ELP4: variants seen among roughly 807,000 people sequenced by gnomAD.
ELP4 encodes the protein elongator acetyltransferase complex subunit 4, also known as elongator complex protein 4.
In ELP4, 51 loss-of-function variants were observed where a neutral mutation model predicts 48.9. The observed-to-expected ratio is 1.04, with a 90% CI of 0.83 to 1.32. The LOEUF is 1.32. ELP4 is among the 40% of genes most tolerant of loss of function. The pLI, the probability that ELP4 is intolerant of heterozygous loss-of-function variation, is 0.00. For synonymous variants in ELP4, 210 were observed against 189.2 expected (o/e 1.11, Z -0.90); for missense variants, 519 against 514.6 (o/e 1.01, Z -0.08).
chr11:31,627,679 G>A (rs541341441), intron 6 of ELP4, among the ~76,000 whole-genome samples: 1 of 151,990 alleles, frequency 6.6e-6, no homozygotes, highest in South Asian at 2.1e-4. Context: ...CGATTTCTCT[G>A]TAGCTCTAAT....
At chr11:31,766,788 C>G (rs1172788221) in intron 9 of ELP4, among the ~76,000 whole-genome samples, 1 of 151,942 alleles carries the variant, frequency 6.6e-6, no homozygotes, top group East Asian at 1.9e-4. Context: ...GTAATATACT[C>G]TGTAATTTAC....
intron 3 of ELP4, among the ~76,000 whole-genome samples, chr11:31,578,032 A>G (rs1042290264): frequency 6.6e-6 from 1 of 152,200 alleles, no homozygotes; most frequent in Non-Finnish European, 1.5e-5. Flanking sequence ...ATGTGATTGT[A>G]TATTTAGAAA....
At chr11:31,627,879 A>G (rs998941443) in intron 6 of ELP4, among the ~76,000 whole-genome samples, 2 of 152,124 alleles carry the variant, frequency 1.3e-5, no homozygotes, top group Non-Finnish European at 1.5e-5. Flanking sequence ...CTAAAGCACC[A>G]TTATTTTTAT....
intron 9 of ELP4, among the ~76,000 whole-genome samples, chr11:31,664,971 G>A (rs1034862684): frequency 7.2e-5 from 11 of 152,014 alleles, no homozygotes; most frequent in African/African-American, 2.2e-4. Flanking sequence ...TCTCAATTTC[G>A]ATTTTGAACA....
intron 5 of ELP4, among the ~76,000 whole-genome samples, chr11:31,609,186 G>A (rs1957930333): frequency 6.6e-6 from 1 of 152,200 alleles, no homozygotes; most frequent in Admixed American, 6.5e-5. Flanking sequence ...ACAGAAGGGA[G>A]GCTGCTATCG....
intron 9 of ELP4, among the ~76,000 whole-genome samples, chr11:31,692,257 G>A (rs1358826690): frequency 6.6e-6 from 1 of 152,080 alleles, no homozygotes; most frequent in African/African-American, 2.4e-5. Flanking sequence ...TATTAGAGTT[G>A]GGGAGGAAAG....
At chr11:31,740,149 C>T (rs559299518) in intron 9 of ELP4, among the ~76,000 whole-genome samples, 10 of 152,262 alleles carry the variant, frequency 6.6e-5, no homozygotes, top group African/African-American at 2.2e-4. Flanking sequence ...GCCTAGAGTT[C>T]GTCAGATAAT....
intron 3 of ELP4, among the ~76,000 whole-genome samples, chr11:31,588,694 A>T (rs766948909): frequency 3.3e-5 from 5 of 152,212 alleles, no homozygotes; most frequent in Non-Finnish European, 7.3e-5. Flanking sequence ...GTAAAATAAC[A>T]TATTAAGGTT....
At chr11:31,700,226 TA>T (rs200851212) in intron 9 of ELP4, among the ~76,000 whole-genome samples, 25 of 150,648 alleles carry the variant, frequency 1.7e-4, no homozygotes, top group East Asian at 7.8e-4. Context: ...TCTATTTTTT[TA>T]AAAAAAAAGA....
intron 5 of ELP4, among the ~76,000 whole-genome samples, chr11:31,621,418 A>G (rs1285802629): frequency 1.3e-5 from 2 of 151,894 alleles, no homozygotes; most frequent in Non-Finnish European, 2.9e-5. Context: ...GAAAAACCAT[A>G]TTTGAAACCA....
intron 9 of ELP4, among the ~76,000 whole-genome samples, chr11:31,747,961 A>G (rs1345585612): frequency 1.3e-5 from 2 of 152,224 alleles, no homozygotes; most frequent in South Asian, 4.1e-4. Context: ...CTAAAAGACA[A>G]AGCATATTAA....
At chr11:31,515,808 T>G (rs1956101115) in intron 1 of ELP4, among the ~76,000 whole-genome samples, 1 of 152,206 alleles carries the variant, frequency 6.6e-6, no homozygotes, top group Non-Finnish European at 1.5e-5. Flanking sequence ...CCATAGTGAA[T>G]GTTAAAAAAT....
At chr11:31,743,424 C>G (rs1261216119) in intron 9 of ELP4, among the ~76,000 whole-genome samples, 4 of 152,054 alleles carry the variant, frequency 2.6e-5, no homozygotes, top group Non-Finnish European at 5.9e-5. Flanking sequence ...AACTGTCCAC[C>G]CCAAATCAAC....
intron 3 of ELP4, among the ~76,000 whole-genome samples, chr11:31,589,434 A>G (rs1047059462): frequency 1.3e-5 from 2 of 152,212 alleles, no homozygotes; most frequent in Admixed American, 6.5e-5. Flanking sequence ...AGAGCTATAT[A>G]TAAATATGGA....
intron 9 of ELP4, among the ~76,000 whole-genome samples, chr11:31,657,190 G>T (rs1490446264): frequency 1.3e-5 from 2 of 151,974 alleles, no homozygotes; most frequent in Non-Finnish European, 2.9e-5. Flanking sequence ...AACATTTCAA[G>T]TTTAGTCCTG....
intron 9 of ELP4, among the ~76,000 whole-genome samples, chr11:31,695,065 A>G (rs1021210658): frequency 9.2e-5 from 14 of 152,258 alleles, no homozygotes; most frequent in African/African-American, 2.2e-4. Context: ...GGCCAAGACA[A>G]TGGGGTTTTC....
At chr11:31,717,725 A>T (rs12294776) in intron 9 of ELP4, among the ~76,000 whole-genome samples, 10,260 of 151,810 alleles carry the variant, frequency 0.068, 911 homozygotes, top group African/African-American at 0.2. Flanking sequence ...CTGCACTCCA[A>T]CCTGGGAGAC....
At chr11:31,683,790 T>C (rs1946105062) in intron 9 of ELP4, among the ~76,000 whole-genome samples, 1 of 152,066 alleles carries the variant, frequency 6.6e-6, no homozygotes, top group South Asian at 2.1e-4. Flanking sequence ...ATAAATTCAA[T>C]TAGCTAGATA....
At chr11:31,603,229 G>C (rs1052270499) in intron 4 of ELP4, among the ~76,000 whole-genome samples, 1 of 151,632 alleles carries the variant, frequency 6.6e-6, no homozygotes, top group Non-Finnish European at 1.5e-5. Context: ...TATCCTATAA[G>C]CTTAATTTAA....
Sources: allele counts gnomAD v4.1 joint callset (sites outside exome capture counted in the v4.1 genomes callset), GRCh38; gene constraint gnomAD v4.1.1; transcripts MANE v1.5; gene names NCBI Gene and HGNC (gene_info 2026-07-23, HGNC 2026-07-21).